Variants in TNRC6A observed in about 807,000 individuals in gnomAD.
The protein encoded by TNRC6A is trinucleotide repeat-containing gene 6A protein.
A neutral mutation model predicts 221.2 loss-of-function variants in TNRC6A; 44 were observed. The ratio of observed to expected loss-of-function variants is 0.20; its 90% CI spans 0.16 to 0.26. The LOEUF is 0.26. Among genes scored for constraint, TNRC6A ranks in the 10% least tolerant of loss-of-function variants. The probability of loss-of-function intolerance (pLI) is 1.00; values close to 1 mark genes in which losing one functional copy is unlikely to be tolerated. For missense variants in TNRC6A, 2,199 were observed against 2,404.4 expected (o/e 0.91, Z 1.79); for synonymous variants, 847 against 838.5 (o/e 1.01, Z -0.18).
intron 3 of TNRC6A, among the ~76,000 whole-genome samples, chr16:24,751,362 T>A (rs2057133420): frequency 6.6e-6 from 1 of 152,180 alleles, no homozygotes; most frequent in African/African-American, 2.4e-5. Flanking sequence ...CTGGGCTGAT[T>A]TTTAAAGTGT....
Position 24,823,100 on chromosome 16 carries a change from C to G in TNRC6A, c.5513+87C>G. On this transcript the variant is annotated intron_variant, in intron 24 of 24. Transcript: ENST00000395799. The surrounding 1 kb of genome is among the most constrained non-coding windows in gnomAD (Gnocchi z 4.3). The stretch of plus-strand genomic sequence containing the variant: ...CTGACCCGGGGCAGTGCACAGGGTC[C>G]TGCGTGGGTGGCTCCTGCTGGCTGC... 6.4e-7 allele frequency: 1 copy of G among 1,551,470 alleles called. No individual in the cohort carries two copies. Among genetic ancestry groups the G allele is most frequent in the Non-Finnish European group, 8.8e-7 (1 of 1,133,002 alleles).
At chr16:24,671,560 T>G (rs1325922131) in intron 2 of TNRC6A, among the ~76,000 whole-genome samples, 2 of 152,210 alleles carry the variant, frequency 1.3e-5, no homozygotes, top group African/African-American at 2.4e-5. Flanking sequence ...TCGCACTGCC[T>G]GGGGAGTAGA....
rs1321775648 is a variant in TNRC6A, at chr16:24,702,300, C to T, written n.403-48426C>T. Among the ~76,000 whole-genome samples the T allele has an allele frequency of 4.6e-5, 7 of 151,644 alleles. No homozygotes were observed. The East Asian group carries it at 1.4e-3, about 30-fold the overall frequency. ...TCAAGTGATCTTCCCAGCTCAGCCT[C>T]CCGAGTAGCTGGGACTTCAGGCACA... On this transcript the variant is annotated intron_variant and non_coding_transcript_variant, in intron 2 of 2. Coordinates refer to the TNRC6A transcript ENST00000566108.
chr16:24,789,081 G>C (rs1250649145), intron 5 of TNRC6A, 151 bp from the exon 6 acceptor site: 1 of 745,738 alleles, frequency 1.3e-6, no homozygotes, highest in African/African-American at 1.8e-5. Context: ...AAGATAACCA[G>C]TGCCCTTGTC....
chr16:24,708,477 G>A (rs1274792787), intron 2 of TNRC6A, among the ~76,000 whole-genome samples: 1 of 152,146 alleles, frequency 6.6e-6, no homozygotes, highest in East Asian at 1.9e-4. Flanking sequence ...TCCTGACTTG[G>A]TGATCCGCCA....
intron 2 of TNRC6A, chr16:24,663,922 G>A (rs947824336): frequency 1.8e-5 from 8 of 456,564 alleles, no homozygotes; most frequent in African/African-American, 4.0e-5. Flanking sequence ...GCCGTTAGCA[G>A]TTATCCTGCA....
At chr16:24,667,726 A>C (rs1482922418) in intron 2 of TNRC6A, among the ~76,000 whole-genome samples, 1 of 152,242 alleles carries the variant, frequency 6.6e-6, no homozygotes, top group Non-Finnish European at 1.5e-5. Context: ...TATTGTTGTC[A>C]TATCGTTCCA....
chr16:24,665,763 A>G (rs1415031685), intron 2 of TNRC6A, among the ~76,000 whole-genome samples: 1 of 152,170 alleles, frequency 6.6e-6, no homozygotes, highest in African/African-American at 2.4e-5. Context: ...GCTGGTCAAA[A>G]TCTCCTCTGG....
intron 2 of TNRC6A, among the ~76,000 whole-genome samples, chr16:24,711,892 C>T (rs868191098): frequency 2.6e-5 from 4 of 152,144 alleles, no homozygotes; most frequent in Middle Eastern, 6.8e-3. Flanking sequence ...AACTCCTGGG[C>T]TCAAGCGATC....
intron 18 of TNRC6A, among the ~76,000 whole-genome samples, chr16:24,809,905 C>T (rs1476851191): frequency 3.9e-5 from 6 of 152,156 alleles, no homozygotes; most frequent in South Asian, 2.1e-4. Context: ...ACTCTGCTCC[C>T]GGGTTCAAGC....
chr16:24,706,646 C>A (rs1375881959), intron 2 of TNRC6A, among the ~76,000 whole-genome samples: 1 of 145,750 alleles, frequency 6.9e-6, no homozygotes, highest in Non-Finnish European at 1.5e-5. Context: ...GAGCCCAGAT[C>A]GCGCTACTGC....
At chr16:24,653,055 C>T (rs1902758343) in intron 2 of TNRC6A, among the ~76,000 whole-genome samples, 1 of 152,144 alleles carries the variant, frequency 6.6e-6, no homozygotes. Flanking sequence ...TTCCACTTCC[C>T]TAAGACCACA....
In TNRC6A at chr16:24,714,558, G is replaced by A. The variant is rs985086924; in HGVS notation, n.403-36168G>A. 3.3e-5 allele frequency among the ~76,000 whole-genome samples: 5 copies of A among 151,986 alleles called. 1 individual carries two copies. Among genetic ancestry groups the A allele is most frequent in the African/African-American group, 2.4e-5 (1 of 41,504 alleles). ...CTGACCTGGTGATCTACCTGCCTTG[G>A]CCTCCCAAAGTGCTGGGATTACAGG... On this transcript the variant is annotated intron_variant and non_coding_transcript_variant, in intron 2 of 2. Transcript: ENST00000566108.
intron 20 of TNRC6A, 145 bp downstream of exon 20, chr16:24,817,101 C>T (rs2058672355): frequency 2.8e-6 from 2 of 714,686 alleles, no homozygotes; most frequent in Non-Finnish European, 2.1e-6. Flanking sequence ...GCCTGGGCAA[C>T]ATAGTTGTGG....
At chr16:24,622,706 A>G (rs1315132448) in intron 1 of TNRC6A, among the ~76,000 whole-genome samples, 1 of 152,220 alleles carries the variant, frequency 6.6e-6, no homozygotes, top group Non-Finnish European at 1.5e-5. Flanking sequence ...TAGGACAAAC[A>G]GAACGCTAGG....
rs1409476928 is a variant in TNRC6A, at chr16:24,791,572, C to T, written c.2930C>T (p.Ala977Val). ...GTGWLGGPIP[A>V]PAKEEEPTGW... is the part of the protein sequence containing the mutation. ...GGCTGGCTGGGGGGACCTATACCAG[C>T]CCCAGCAAAAGAAGAAGAACCCACA... The change falls in exon 6 of 25, where the codon GCC becomes GTC. Residue 977 changes from alanine (A) to valine (V), a missense_variant. This residue lies in a region of TNRC6A where 1,405 missense variants were observed against 1,400.2 expected (regional missense o/e 1.00). Transcript: ENST00000395799. 6.4e-7 allele frequency: 1 copy of T among 1,573,308 alleles called. No homozygotes were observed. The highest frequency in any genetic ancestry group is 8.6e-7 in the Non-Finnish European group (1 of 1,163,154).
In TNRC6A at chr16:24,791,720, C is replaced by T. The variant is rs200991421; in HGVS notation, c.3078C>T (p.Val1026=). ...ATGTGAACATGTGGAACAAAAACGT[C>T]CCAAATGGCAACAGCCGTTCAGACC... is the stretch of plus-strand genomic sequence containing the variant. ...YKNVNMWNKN[V]PNGNSRSDQQ... is the part of the protein sequence containing the mutation. The change falls in exon 6 of 25, where the codon GTC becomes GTT. Residue 1026 remains valine, a synonymous_variant. Coordinates refer to ENST00000395799, the MANE Select transcript of TNRC6A (RefSeq NM_014494.4). 6.2e-7 allele frequency: 1 copy of T among 1,613,568 alleles called. No homozygotes were observed. Among genetic ancestry groups the T allele is most frequent in the East Asian group, 2.2e-5 (1 of 44,838 alleles).
In TNRC6A at chr16:24,791,035, C is replaced by T. The variant is rs199582678; in HGVS notation, c.2393C>T (p.Ser798Leu). 5.0e-6 allele frequency: 8 copies of T among 1,591,776 alleles called. No homozygotes were observed. The highest frequency in any genetic ancestry group is 4.0e-5 in the African/African-American group (3 of 74,556). The change falls in exon 6 of 25, where the codon TCA (serine) becomes TTA (leucine). Residue 798 changes from serine (S) to leucine (L), a missense_variant. This residue lies in a region of TNRC6A where 1,405 missense variants were observed against 1,400.2 expected (regional missense o/e 1.00). Transcript: ENST00000395799. ...CTGAGGTGGGGAGATTCCAAAGGCT[C>T]AAACTGCCAGGGGGGGTGGGAAGAT... ...PALRWGDSKG[S>L]NCQGGWEDDS...
chr16:24,754,883 T>C (rs2057216884), intron 3 of TNRC6A, among the ~76,000 whole-genome samples: 1 of 152,208 alleles, frequency 6.6e-6, no homozygotes, highest in African/African-American at 2.4e-5. Flanking sequence ...GAAGGGATTT[T>C]TATAGGTGTT....
Sources: gnomAD v4.1 joint callset for allele counts (sites outside exome capture counted in the v4.1 genomes callset) on GRCh38, gnomAD v4.1.1 for gene constraint, gnomAD v4.1.1 regional missense constraint, Gnocchi (gnomAD v3.1) non-coding constraint, MANE v1.5 for transcripts, NCBI Gene and HGNC (gene_info 2026-07-23, HGNC 2026-07-21) for gene names.